Variants in MYPOP observed in about 807,000 individuals in gnomAD.
MYPOP encodes Myb related transcription factor, partner of profilin, also known as myb-related transcription factor, partner of profilin.
A neutral mutation model predicts 25.7 loss-of-function variants in MYPOP; 21 were observed. The observed-to-expected ratio is 0.82, with a 90% confidence interval of 0.58 to 1.18. The LOEUF (loss-of-function observed/expected upper bound fraction) is 1.18. Among genes scored for constraint, MYPOP ranks in the 50% most tolerant of loss-of-function variants. MYPOP has a pLI of 0.00. For synonymous variants in MYPOP, 280 were observed against 247.9 expected (o/e 1.13, Z -1.22); for missense variants, 566 against 588.3 (o/e 0.96, Z 0.39).
chr19:45,890,729 GC>G lies in MYPOP; in HGVS notation c.1093del (p.Ala365HisfsTer41). On this transcript the variant is annotated frameshift_variant, in exon 3 of 3. Transcript: ENST00000322217. LOFTEE classifies it high-confidence loss of function. ...GAGCGGGGCTGGGGGGGGCCGGGGT[GC>G]CCCCTCCTCGCTCCTTGGGGCAATG... ...VIIAPRSEEG[A>X]PRPPPAPLPP... The G allele has an allele frequency of 6.3e-7, 1 of 1,577,710 alleles. No individual in the cohort carries two copies. Among genetic ancestry groups the G allele is most frequent in the Non-Finnish European group, 8.6e-7 (1 of 1,161,362 alleles).
intron 2 of MYPOP, among the ~76,000 whole-genome samples, chr19:45,891,681 G>C (rs1382965194): frequency 6.6e-6 from 1 of 151,774 alleles, no homozygotes; most frequent in East Asian, 2.0e-4. Context: ...CAGGCGATCC[G>C]CCCGCCTTGG....
chr19:45,890,635 C>T lies in MYPOP; in HGVS notation c.1188G>A (p.Trp396Ter). The change falls in exon 3 of 3, where the codon TGG becomes TGA. Residue 396 changes from tryptophan to a stop codon, truncating the protein, a stop_gained. Coordinates refer to ENST00000322217, the MANE Select transcript of MYPOP (RefSeq NM_001012643.4). LOFTEE classifies it high-confidence loss of function. ...GFPTRKRRGRWKSP is the reference protein window; with the variant it reads ...GFPTRKRRGR ...TAGATAGTAGATTTCACGGAGATTT[C>T]CATCGGCCGCGCCTTTTCCGTGTAG... is the stretch of plus-strand genomic sequence containing the variant. The T allele has an allele frequency of 6.2e-7, 1 of 1,612,382 alleles. No individual in the cohort carries two copies. Among genetic ancestry groups the T allele is most frequent in the Non-Finnish European group, 8.5e-7 (1 of 1,179,400 alleles).
At chr19:45,893,044 C>T (rs1017540531) in intron 2 of MYPOP, among the ~76,000 whole-genome samples, 1 of 150,284 alleles carries the variant, frequency 6.7e-6, no homozygotes, top group African/African-American at 2.5e-5. Context: ...GAGGCCGAGG[C>T]GGGTGGATCA....
intron 2 of MYPOP, among the ~76,000 whole-genome samples, chr19:45,894,041 A>G (rs1967165927): frequency 6.6e-6 from 1 of 150,896 alleles, no homozygotes. Context: ...TGCCCACCTC[A>G]GCCTCCCAAA....
At chr19:45,895,694 A>T (rs1967193210) in intron 2 of MYPOP, among the ~76,000 whole-genome samples, 1 of 152,000 alleles carries the variant, frequency 6.6e-6, no homozygotes, top group Admixed American at 6.6e-5. Flanking sequence ...GCTTCCAGAG[A>T]CTCAGCGCTG....
chr19:45,892,265 C>T (rs1275614592), intron 2 of MYPOP, among the ~76,000 whole-genome samples: 2 of 152,134 alleles, frequency 1.3e-5, no homozygotes, highest in Non-Finnish European at 2.9e-5. Context: ...GGATACTGCA[C>T]CACACTGCTG....
Position 45,901,462 on chromosome 19 carries a change from G to A in MYPOP, c.312C>T (p.Ala104=), listed in dbSNP as rs1170304939. 4 of 1,599,050 alleles carry A rather than the reference G, an allele frequency of 2.5e-6. No homozygotes were observed. The highest frequency in any genetic ancestry group is 3.4e-6 in the Non-Finnish European group (4 of 1,173,286). Residue 104 remains alanine (A), a synonymous_variant, in exon 2 of 3, where the codon GCC becomes GCT. Coordinates refer to ENST00000322217, the MANE Select transcript of MYPOP (RefSeq NM_001012643.4). This position sits in a 1 kb window ranked among gnomAD's most constrained non-coding sequence, Gnocchi z 5.7. ...VPHSTQGAGP[A]AEDAFSAEEE... ...CTTCCGCGGAGAAAGCGTCCTCCGCGGCGGGCCCGGCGCCCTGCGTGGAGT... is the reference window on the plus strand; with the variant it reads ...CTTCCGCGGAGAAAGCGTCCTCCGCAGCGGGCCCGGCGCCCTGCGTGGAGT...
In MYPOP at chr19:45,901,448, A is replaced by T; in HGVS notation, c.326T>A (p.Phe109Tyr). The T allele has an allele frequency of 6.3e-7, 1 of 1,594,744 alleles. No individual in the cohort carries two copies. The highest frequency in any genetic ancestry group is 1.7e-5 in the Admixed American group (1 of 58,128). Residue 109 changes from phenylalanine (F) to tyrosine (Y), a missense_variant, in exon 2 of 3, where the codon TTC becomes TAC. Phe to Tyr is a conservative substitution (Grantham distance 22, BLOSUM62 3). Transcript: ENST00000322217. The surrounding 1 kb of genome is among the most constrained non-coding windows in gnomAD (Gnocchi z 5.7). ...AAAAATGGTCTCCTCTTCCGCGGAGAAAGCGTCCTCCGCGGCGGGCCCGGC... is the reference window on the plus strand; with the variant it reads ...AAAAATGGTCTCCTCTTCCGCGGAGTAAGCGTCCTCCGCGGCGGGCCCGGC... Reference protein sequence around the residue: ...QGAGPAAEDAFSAEEETIFAI... With the variant: ...QGAGPAAEDAYSAEEETIFAI...
Position 45,890,712 on chromosome 19 carries a change from C to A in MYPOP, c.1111G>T (p.Ala371Ser). The A allele has an allele frequency of 7.3e-6, 3 of 413,648 alleles. No individual in the cohort carries two copies. Among genetic ancestry groups the A allele is most frequent in the Middle Eastern group, 4.0e-4 (1 of 2,512 alleles). 25.6% of individuals were successfully genotyped at this position (413,648 alleles called of 1,614,324 possible). ...GGGGAGTCGTGCGGAGGGAGCGGGG[C>A]TGGGGGGGGCCGGGGTGCCCCCTCC... is the stretch of plus-strand genomic sequence containing the variant. ...SEEGAPRPPP[A>S]PLPPHDSPPH... is the part of the protein sequence containing the mutation. The change falls in exon 3 of 3, where the codon GCC becomes TCC. Residue 371 changes from alanine (A) to serine (S), a missense_variant. Coordinates refer to ENST00000322217, the MANE Select transcript of MYPOP (RefSeq NM_001012643.4).
intron 2 of MYPOP, among the ~76,000 whole-genome samples, chr19:45,896,686 C>T (rs1015797148): frequency 1.3e-5 from 2 of 148,846 alleles, no homozygotes; most frequent in East Asian, 2.0e-4. Context: ...ACTGCAGTGG[C>T]GCAATCTCGG....
At chr19:45,899,166 C>T (rs1967251887) in intron 2 of MYPOP, among the ~76,000 whole-genome samples, 1 of 152,044 alleles carries the variant, frequency 6.6e-6, no homozygotes, top group Non-Finnish European at 1.5e-5. Flanking sequence ...GCGGAGGTTG[C>T]GGTGAGCCGA....
At chr19:45,900,053 G>A (rs1314264432) in intron 2 of MYPOP, among the ~76,000 whole-genome samples, 1 of 152,174 alleles carries the variant, frequency 6.6e-6, no homozygotes, top group African/African-American at 2.4e-5. Context: ...TACTTGCTGT[G>A]TGACCTTGGG....
rs780790539 is a variant in MYPOP, at chr19:45,890,872, C to A, written c.951G>T (p.Pro317=). Residue 317 remains proline (P), a synonymous_variant, in exon 3 of 3, where the codon CCG becomes CCT. Transcript: ENST00000322217. ...GGGGCAGGACAGGCCTGGGAGGTGG[C>A]GGTGGGGGTGGGGGTGGGGGCAGAG... is the stretch of plus-strand genomic sequence containing the variant. ...PPPLPPPPPP[P]PPPRPVLPPP... is the part of the protein sequence containing the mutation. 6.4e-6 allele frequency: 2 copies of A among 313,890 alleles called. No homozygotes were observed. The highest frequency in any genetic ancestry group is 7.7e-6 in the Non-Finnish European group (2 of 261,244). 19.4% of individuals were successfully genotyped at this position (313,890 alleles called of 1,614,324 possible).
chr19:45,894,633 A>G (rs1024353751), intron 2 of MYPOP, among the ~76,000 whole-genome samples: 8 of 152,024 alleles, frequency 5.3e-5, no homozygotes, highest in African/African-American at 1.7e-4. Flanking sequence ...GCTGGTTTCA[A>G]ACTCCTGGTC....
chr19:45,899,053 C>T (rs1408256203), intron 2 of MYPOP, among the ~76,000 whole-genome samples: 2 of 152,036 alleles, frequency 1.3e-5, no homozygotes, highest in African/African-American at 4.8e-5. Context: ...ATGGAGAAAC[C>T]CCATCTCTAC....
intron 2 of MYPOP, among the ~76,000 whole-genome samples, chr19:45,900,156 T>A (rs11668206): frequency 0.23 from 34,374 of 152,148 alleles, 4,744 homozygotes; most frequent in Non-Finnish European, 0.27. Flanking sequence ...TTCAGTGGCT[T>A]CTCATAGCAG....
intron 2 of MYPOP, among the ~76,000 whole-genome samples, chr19:45,896,770 C>A (rs1053811283): frequency 6.6e-6 from 1 of 151,584 alleles, no homozygotes; most frequent in African/African-American, 2.4e-5. Flanking sequence ...GGACTACAGG[C>A]GCCCGCCACT....
chr19:45,899,955 G>C (rs983306860), intron 2 of MYPOP, among the ~76,000 whole-genome samples: 6 of 152,200 alleles, frequency 3.9e-5, no homozygotes, highest in Non-Finnish European at 8.8e-5. Context: ...ATTAACTCTT[G>C]TTATTGCTGG....
intron 2 of MYPOP, among the ~76,000 whole-genome samples, chr19:45,899,797 C>T (rs1388697751): frequency 6.6e-6 from 1 of 152,086 alleles, no homozygotes; most frequent in Non-Finnish European, 1.5e-5. Context: ...GCCAAGATTT[C>T]GCCACTGCAC....
Sources: gnomAD v4.1 joint callset for allele counts (sites outside exome capture counted in the v4.1 genomes callset) on GRCh38, gnomAD v4.1.1 for gene constraint, Gnocchi (gnomAD v3.1) non-coding constraint, MANE v1.5 for transcripts, NCBI Gene and HGNC (gene_info 2026-07-23, HGNC 2026-07-21) for gene names.